Variants in ABCA7 observed in about 807,000 individuals in gnomAD.
ABCA7 encodes the protein phospholipid-transporting ATPase ABCA7.
In ABCA7, 261 loss-of-function variants were observed where a neutral mutation model predicts 227.6. The ratio of observed to expected loss-of-function variants is 1.15; its 90% CI spans 1.04 to 1.27. The LOEUF is 1.27. ABCA7 is among the 50% of genes most tolerant of loss of function. The pLI, the probability that ABCA7 is intolerant of heterozygous loss-of-function variation, is 0.00. For missense variants in ABCA7, 3,331 were observed against 2,924.5 expected (o/e 1.14, Z -3.21); for synonymous variants, 1,488 against 1,279.7 (o/e 1.16, Z -3.47).
chr19:1,041,370 C>T lies in ABCA7; in HGVS notation c.9C>T (p.Phe3=), dbSNP rs751313747. The change falls in exon 2 of 47, where the codon TTC becomes TTT. Residue 3 remains phenylalanine, a synonymous_variant. Coordinates refer to ENST00000263094, the MANE Select transcript of ABCA7 (RefSeq NM_019112.4). MA[F]WTQLMLLLWK... ...CCCTGCCCAGTCTCACCATGGCCTT[C>T]TGGACACAGCTGATGCTGCTGCTCT... The T allele has an allele frequency of 6.2e-7, 1 of 1,614,066 alleles. No individual in the cohort carries two copies. The highest frequency in any genetic ancestry group is 8.5e-7 in the Non-Finnish European group (1 of 1,180,026).
intron 42 of ABCA7, 144 bp downstream of exon 42, chr19:1,062,457 A>G: frequency 7.7e-7 from 1 of 1,292,440 alleles, no homozygotes; most frequent in South Asian, 1.4e-5. Flanking sequence ...CTTCCCCTAT[A>G]CCTCTGTCCC....
intron 1 of ABCA7, among the ~76,000 whole-genome samples, chr19:1,040,578 G>C (rs985685886): frequency 6.6e-6 from 1 of 152,176 alleles, no homozygotes; most frequent in Non-Finnish European, 1.5e-5. Flanking sequence ...GCAACTTCCT[G>C]CCCCTCTGTC....
rs1404856278 is a variant in ABCA7, at chr19:1,065,309, G to C, written c.6325G>C (p.Asp2109His). Residue 2109 changes from aspartate (D) to histidine (H), a missense_variant, in exon 47 of 47, where the codon GAC becomes CAC. By Grantham distance (81) the Asp-to-His change is moderately conservative. Coordinates refer to ENST00000263094, the MANE Select transcript of ABCA7 (RefSeq NM_019112.4). ...YFSKDQGKDEDTEEQKEAGVG... is the reference protein window; with the variant it reads ...YFSKDQGKDEHTEEQKEAGVG... ...CTCCAAGGACCAGGGGAAGGACGAG[G>C]ACACCGAAGAGCAGAAGGAGGCAGG... 3 of 1,613,590 alleles carry C rather than the reference G, an allele frequency of 1.9e-6. No individual in the cohort carries two copies. Among genetic ancestry groups the C allele is most frequent in the Non-Finnish European group, 2.5e-6 (3 of 1,179,990 alleles).
chr19:1,059,127 G>C, intron 40 of ABCA7, 42 bp downstream of exon 40: 4 of 1,593,924 alleles, frequency 2.5e-6, no homozygotes, highest in Middle Eastern at 2.1e-4. Flanking sequence ...ACAGTGAGTG[G>C]CTGCCCTACT....
intron 1 of ABCA7, among the ~76,000 whole-genome samples, chr19:1,040,580 C>T (rs751336908): frequency 6.6e-6 from 1 of 152,138 alleles, no homozygotes; most frequent in African/African-American, 2.4e-5. Flanking sequence ...AACTTCCTGC[C>T]CCTCTGTCAG....
At chr19:1,045,911 G>C (rs1342740021) in intron 12 of ABCA7, among the ~76,000 whole-genome samples, 12 of 152,240 alleles carry the variant, frequency 7.9e-5, no homozygotes, top group African/African-American at 2.4e-4. Context: ...GGAGGCTGAG[G>C]CAGGAGAATC....
chr19:1,054,831 G>A lies in ABCA7; in HGVS notation c.3903G>A (p.Leu1301=). 10 of 1,570,392 alleles carry A rather than the reference G, an allele frequency of 6.4e-6. No homozygotes were observed. Among genetic ancestry groups the A allele is most frequent in the Non-Finnish European group, 8.6e-6 (10 of 1,158,506 alleles). The change falls in exon 29 of 47, where the codon CTG becomes CTA. Residue 1301 remains leucine, a synonymous_variant. Transcript: ENST00000263094. The surrounding 1 kb of genome is among the most constrained non-coding windows in gnomAD (Gnocchi z 4.8). Reference sequence around the variant, plus strand: ...GTGCCCGGCTGCTCGAGGCGCTGCTGCAGGAGGCAGGACTGGAGGAGCCCC... The same window carrying A: ...GTGCCCGGCTGCTCGAGGCGCTGCTACAGGAGGCAGGACTGGAGGAGCCCC... ...PGRARLLEAL[L]QEAGLEEPPV... is the part of the protein sequence containing the mutation.
chr19:1,061,717 A>T, intron 40 of ABCA7, 65 bp from the exon 41 acceptor site: 1 of 1,404,646 alleles, frequency 7.1e-7, no homozygotes, highest in Non-Finnish European at 9.7e-7. Flanking sequence ...AAAAAAAAAG[A>T]AATCAGAGAT....
intron 18 of ABCA7, among the ~76,000 whole-genome samples, chr19:1,050,535 G>A (rs991706136): frequency 5.9e-5 from 9 of 152,062 alleles, no homozygotes; most frequent in African/African-American, 1.4e-4. Context: ...ACTTTGGGGG[G>A]CCGAGGCGGG....
Position 1,047,657 on chromosome 19 carries a change from G to C in ABCA7, c.2269+3G>C. 6.3e-7 allele frequency: 1 copy of C among 1,587,588 alleles called. No homozygotes were observed. The highest frequency in any genetic ancestry group is 8.5e-7 in the Non-Finnish European group (1 of 1,171,800). On this transcript the variant is annotated splice_donor_region_variant and intron_variant, in intron 16 of 46. Coordinates refer to ENST00000263094, the MANE Select transcript of ABCA7 (RefSeq NM_019112.4). ...GTACCTGGAAGCTGTGTGCCCAGGT[G>C]GGCCGTAGGGGGCGGGGCTCCGGGC... is the stretch of plus-strand genomic sequence containing the variant.
intron 24 of ABCA7, 37 bp from the exon 25 acceptor site, chr19:1,053,751 C>T (rs765139834): frequency 1.2e-5 from 19 of 1,596,368 alleles, no homozygotes; most frequent in South Asian, 1.1e-4. Context: ...TTCTCCCTGT[C>T]GGTGTCCAGT....
chr19:1,043,638 A>G (rs1014099833), intron 9 of ABCA7, 87 bp from the exon 10 acceptor site: 2 of 1,480,586 alleles, frequency 1.4e-6, no homozygotes, highest in African/African-American at 2.8e-5. Flanking sequence ...TCAGAGGCAC[A>G]CGCAGGAGCA....
chr19:1,042,599 AAT>A lies in ABCA7; in HGVS notation c.499-146_499-145del, dbSNP rs147599642. On this transcript the variant is annotated intron_variant, in intron 6 of 46. Coordinates refer to ENST00000263094, the MANE Select transcript of ABCA7 (RefSeq NM_019112.4). ...AGGAAGACTCGTCTGTGAGATCTCC[AAT>A]GAGTCCCTTTGCCTCTCAGAGCCTC... The A allele has an allele frequency of 8.0e-3, 8,155 of 1,023,660 alleles. 450 individuals carry two copies. In the African/African-American group the frequency reaches 0.12, roughly 14 times the overall value. The allele number at this position is 1,023,660 out of a possible 1,614,324, so 63.4% of individuals were successfully genotyped here.
chr19:1,043,538 C>A, intron 9 of ABCA7, 65 bp downstream of exon 9: 2 of 1,610,402 alleles, frequency 1.2e-6, no homozygotes, highest in Non-Finnish European at 1.7e-6. Flanking sequence ...ACCCTCAGTC[C>A]AGGTGGGCCA....
chr19:1,042,298 G>T lies in ABCA7; in HGVS notation c.416-17G>T, dbSNP rs760814675. ...AACGTCCCCCCAGCCCCATGCTCCCGTGCGCTCCTCCCCCAGCCCAGCCTC... is the reference window on the plus strand; with the variant it reads ...AACGTCCCCCCAGCCCCATGCTCCCTTGCGCTCCTCCCCCAGCCCAGCCTC... On this transcript the variant is annotated splice_polypyrimidine_tract_variant and intron_variant, in intron 5 of 46. Coordinates refer to ENST00000263094, the MANE Select transcript of ABCA7 (RefSeq NM_019112.4). 6.4e-7 allele frequency: 1 copy of T among 1,574,466 alleles called. No individual in the cohort carries two copies. The highest frequency in any genetic ancestry group is 8.7e-7 in the Non-Finnish European group (1 of 1,154,492).
chr19:1,049,190 A>T, intron 17 of ABCA7, 76 bp from the exon 18 acceptor site: 1 of 1,493,426 alleles, frequency 6.7e-7, no homozygotes, highest in Non-Finnish European at 9.0e-7. Flanking sequence ...CCCGGATTCC[A>T]CAGCCCAGCT....
chr19:1,062,597 T>G (rs898186183), intron 42 of ABCA7, among the ~76,000 whole-genome samples: 1 of 152,006 alleles, frequency 6.6e-6, no homozygotes, highest in Non-Finnish European at 1.5e-5. Context: ...CTCTGCCTTC[T>G]GTGGCCCTGC....
At chr19:1,051,683 T>C in intron 21 of ABCA7, 97 bp downstream of exon 21, 1 of 1,239,722 alleles carries the variant, frequency 8.1e-7, no homozygotes, top group Non-Finnish European at 1.1e-6. Context: ...GTTTGCTACA[T>C]GTGGACCCCA....
rs199498383 is a variant in ABCA7 at position 1,052,276 on chromosome 19, C to T, written c.3210C>T (p.Gly1070=). ...AGGAAAAGAAGAATGGCAGCCAGGGCAGCAGAGTCGGTGAGGGCCGGGGTG... is the reference window on the plus strand; with the variant it reads ...AGGAAAAGAAGAATGGCAGCCAGGGTAGCAGAGTCGGTGAGGGCCGGGGTG... ...TRQEKKNGSQ[G]SRVGTPQLLA... The change falls in exon 23 of 47, where the codon GGC becomes GGT. Residue 1070 remains glycine (G), a synonymous_variant. Transcript: ENST00000263094. 1.1e-3 allele frequency: 1,631 copies of T among 1,536,952 alleles called. 14 individuals carry two copies. The Middle Eastern group carries it at 0.023, about 22-fold the overall frequency.
Sources: allele counts gnomAD v4.1 joint callset (sites outside exome capture counted in the v4.1 genomes callset), GRCh38; gene constraint gnomAD v4.1.1; non-coding constraint Gnocchi (gnomAD v3.1); transcripts MANE v1.5; gene names NCBI Gene and HGNC (gene_info 2026-07-23, HGNC 2026-07-21).